CEP164: variants seen among roughly 807,000 people sequenced by gnomAD.
The protein encoded by CEP164 is centrosomal protein of 164 kDa.
In CEP164, 162 loss-of-function variants were observed where a neutral mutation model predicts 182.7. The ratio of observed to expected loss-of-function variants is 0.89; its 90% CI spans 0.78 to 1.01. CEP164 has a LOEUF of 1.01. CEP164 is among the 50% of genes least tolerant of loss of function. The probability of loss-of-function intolerance (pLI) is 0.00; values close to 1 mark genes in which losing one functional copy is unlikely to be tolerated. For missense variants in CEP164, 1,735 were observed against 1,790.4 expected, an observed-to-expected ratio of 0.97 and a Z score of 0.56; for synonymous variants, 661 against 690.0, an observed-to-expected ratio of 0.96 and a Z score of 0.66.
rs573926375 is a variant in CEP164 at position 117,348,786 on chromosome 11, A to T, written c.195-3004A>T. ...TGAAACTCTATAGCCATTAAATATT[A>T]ATTCCCCATTTTCCCCTCTCCTTAA... On this transcript the variant is annotated intron_variant, in intron 4 of 32. Transcript: ENST00000278935. Among the ~76,000 whole-genome samples the T allele has an allele frequency of 5.9e-5, 9 of 152,266 alleles. No individual in the cohort carries two copies. In the East Asian group the frequency reaches 1.7e-3, roughly 29 times the overall value.
At chr11:117,371,774 G>T (rs1227997701) in intron 9 of CEP164, among the ~76,000 whole-genome samples, 1 of 149,500 alleles carries the variant, frequency 6.7e-6, no homozygotes, top group Non-Finnish European at 1.5e-5. Flanking sequence ...ATCCTCTCCT[G>T]CTTCCTACCT....
intron 27 of CEP164, among the ~76,000 whole-genome samples, chr11:117,403,739 T>C (rs2046391460): frequency 6.6e-6 from 1 of 152,178 alleles, no homozygotes; most frequent in Non-Finnish European, 1.5e-5. Flanking sequence ...GATAATATCC[T>C]GAAGAGCGTT....
intron 5 of CEP164, chr11:117,356,361 C>T (rs1394405828): frequency 2.6e-6 from 3 of 1,169,682 alleles, no homozygotes; most frequent in Admixed American, 3.6e-5. Flanking sequence ...TGTTGCATGG[C>T]AGCTGAGTCT....
At chr11:117,364,518 C>T (rs1454386030) in intron 8 of CEP164, among the ~76,000 whole-genome samples, 1 of 151,068 alleles carries the variant, frequency 6.6e-6, no homozygotes, top group East Asian at 1.9e-4. Flanking sequence ...TGATTTGGTA[C>T]TTGAGACCTG....
intron 14 of CEP164, 98 bp downstream of exon 14, chr11:117,383,040 T>C (rs2043519735): frequency 8.6e-6 from 12 of 1,392,968 alleles, no homozygotes; most frequent in Admixed American, 4.4e-5. Flanking sequence ...GGGCTCAGGC[T>C]CTGGCCAAGG....
intron 3 of CEP164, among the ~76,000 whole-genome samples, chr11:117,339,147 T>G (rs566999679): frequency 6.6e-6 from 1 of 152,144 alleles, no homozygotes; most frequent in Non-Finnish European, 1.5e-5. Flanking sequence ...TACACCTTCA[T>G]TGGAAAACAG....
In CEP164 at chr11:117,394,622, C is replaced by T; in HGVS notation, c.2760+129C>T. 8.0e-7 allele frequency: 1 copy of T among 1,247,950 alleles called. No homozygotes were observed. Among genetic ancestry groups the T allele is most frequent in the African/African-American group, 1.5e-5 (1 of 66,562 alleles). 77.3% of individuals were successfully genotyped at this position (1,247,950 alleles called of 1,614,324 possible). A position where few individuals can be genotyped will look rare whatever the true frequency, so the allele number is the denominator to read the frequency against. The stretch of plus-strand genomic sequence containing the variant: ...TCTGGAGTGAGAGTCTCTCACTGGC[C>T]ATCTCCAAGCTGGGGCATCCTTGTT... On this transcript the variant is annotated intron_variant, in intron 21 of 32. Coordinates refer to ENST00000278935, the MANE Select transcript of CEP164 (RefSeq NM_014956.5). The surrounding 1 kb of genome is among the most constrained non-coding windows in gnomAD (Gnocchi z 4.0).
chr11:117,405,816 A>G (rs771904335), intron 27 of CEP164, among the ~76,000 whole-genome samples: 1 of 152,206 alleles, frequency 6.6e-6, no homozygotes, highest in African/African-American at 2.4e-5. Flanking sequence ...GGCTGGAGCA[A>G]AATGCTTCCA....
chr11:117,389,097 A>G (rs1390017758), intron 15 of CEP164, among the ~76,000 whole-genome samples: 1 of 152,164 alleles, frequency 6.6e-6, no homozygotes, highest in African/African-American at 2.4e-5. Flanking sequence ...GGAAAAAAGT[A>G]ATGATGTTAG....
intron 11 of CEP164, among the ~76,000 whole-genome samples, chr11:117,378,498 G>A (rs2042983432): frequency 6.6e-6 from 1 of 152,162 alleles, no homozygotes; most frequent in South Asian, 2.1e-4. Flanking sequence ...TGGCTGCACA[G>A]TCTTCTGCTG....
At chr11:117,373,973 T>C (rs2042483281) in intron 10 of CEP164, 142 bp downstream of exon 10, 1 of 643,144 alleles carries the variant, frequency 1.6e-6, no homozygotes, top group Admixed American at 2.8e-5. Flanking sequence ...TAGCTCCAGT[T>C]TCTCAACCCA....
upstream of CEP164, among the ~76,000 whole-genome samples, chr11:117,324,417 A>G (rs1164033814): frequency 2.0e-5 from 3 of 151,264 alleles, no homozygotes; most frequent in African/African-American, 7.3e-5. Flanking sequence ...ACTGCACTCC[A>G]GCCTGGGCAA....
chr11:117,362,254 T>C, intron 6 of CEP164, 150 bp from the exon 7 acceptor site: 2 of 855,532 alleles, frequency 2.3e-6, no homozygotes, highest in Admixed American at 2.8e-5. Context: ...AGGGAGTCAT[T>C]GATGTGAGCT....
intron 5 of CEP164, among the ~76,000 whole-genome samples, chr11:117,353,878 G>A (rs2039970184): frequency 6.6e-6 from 1 of 152,108 alleles, no homozygotes; most frequent in Admixed American, 6.5e-5. Flanking sequence ...AATACCAACT[G>A]GTTCCTTTGG....
intron 12 of CEP164, among the ~76,000 whole-genome samples, chr11:117,381,003 T>G (rs991015070): frequency 6.6e-6 from 1 of 152,142 alleles, no homozygotes; most frequent in African/African-American, 2.4e-5. Flanking sequence ...CTGGGCACCA[T>G]TGTGGGGCCA....
rs887237177 is a variant in CEP164 at position 117,361,536 on chromosome 11, G to A, written c.394-299G>A. On this transcript the variant is annotated intron_variant, in intron 5 of 32. Transcript: ENST00000278935. ...ATTACAGGACTGAGCCACCGAGCCC[G>A]GCCTCCTATATGGCTTCTGAAAGGA... Among the ~76,000 whole-genome samples, 7 of 151,914 alleles carry A rather than the reference G, an allele frequency of 4.6e-5. No homozygotes were observed. The South Asian group carries it at 6.3e-4, about 14-fold the overall frequency.
chr11:117,396,247 G>T, intron 25 of CEP164, 67 bp downstream of exon 25: 1 of 1,547,576 alleles, frequency 6.5e-7, no homozygotes, highest in Non-Finnish European at 8.9e-7. Context: ...GAGGGGCTGG[G>T]CATCAGGGGA....
intron 11 of CEP164, among the ~76,000 whole-genome samples, chr11:117,376,540 G>T (rs1022970724): frequency 6.6e-6 from 1 of 152,218 alleles, no homozygotes; most frequent in African/African-American, 2.4e-5. Flanking sequence ...GGAACATTTG[G>T]TTTGGGCAAA....
intron 8 of CEP164, among the ~76,000 whole-genome samples, chr11:117,368,704 A>C (rs1161004722): frequency 6.6e-6 from 1 of 152,158 alleles, no homozygotes; most frequent in Admixed American, 6.5e-5. Context: ...AACCCCACAG[A>C]CTGGATATGA....
Sources: allele counts gnomAD v4.1 joint callset (sites outside exome capture counted in the v4.1 genomes callset), GRCh38; gene constraint gnomAD v4.1.1; non-coding constraint Gnocchi (gnomAD v3.1); transcripts MANE v1.5; gene names NCBI Gene and HGNC (gene_info 2026-07-23, HGNC 2026-07-21).